SEC16A: variants seen among roughly 807,000 people sequenced by gnomAD.
The protein encoded by SEC16A is protein transport protein Sec16A.
Under a neutral mutation model 221.9 loss-of-function variants are expected in SEC16A, and 110 were observed. That is an observed-to-expected ratio of 0.50 (90% CI 0.42 to 0.58). SEC16A has a LOEUF of 0.58. Ranked by LOEUF, SEC16A falls within the 20% of genes least tolerant of loss-of-function variation. SEC16A has a pLI of 0.00. For synonymous variants in SEC16A, 1,393 were observed against 1,257.7 expected, an observed-to-expected ratio of 1.11 and a Z score of -2.28; for missense variants, 3,165 against 3,097.8, an observed-to-expected ratio of 1.02 and a Z score of -0.52.
rs778873081 is a variant in SEC16A at position 136,476,258 on chromosome 9, C to G, written c.1358G>C (p.Gly453Ala). ...TASTGVPDAS[G>A]SQYENVENLE... is the part of the protein sequence containing the mutation. The stretch of plus-strand genomic sequence containing the variant: ...GTTCTCAACATTCTCATACTGCGAG[C>G]CGCTGGCATCCGGCACCCCTGTGCT... The change falls in exon 3 of 32, where the codon GGC (glycine) becomes GCC (alanine). Residue 453 changes from glycine to alanine, a missense_variant. Transcript: ENST00000684901. 1 of 1,613,410 alleles carries G rather than the reference C, an allele frequency of 6.2e-7. No individual in the cohort carries two copies. The highest frequency in any genetic ancestry group is 8.5e-7 in the Non-Finnish European group (1 of 1,179,886).
At chr9:136,468,332 C>T in intron 5 of SEC16A, 83 bp downstream of exon 5, 2 of 784,508 alleles carry the variant, frequency 2.5e-6, no homozygotes, top group African/African-American at 1.8e-5. Flanking sequence ...CCAGCAGGTG[C>T]TGGCTGGCCA....
intron 1 of SEC16A, among the ~76,000 whole-genome samples, chr9:136,481,931 G>A (rs1006447154): frequency 5.3e-5 from 8 of 152,076 alleles, no homozygotes; most frequent in Admixed American, 1.3e-4. Context: ...TACAGAAGAA[G>A]AAATCACATT....
In SEC16A at chr9:136,466,136, T is replaced by G. The variant is rs1840118805; in HGVS notation, c.4129A>C (p.Ser1377Arg). The G allele has an allele frequency of 2.5e-6, 4 of 1,588,854 alleles. No homozygotes were observed. Among genetic ancestry groups the G allele is most frequent in the Non-Finnish European group, 3.4e-6 (4 of 1,165,884 alleles). The change falls in exon 8 of 32, where the codon AGT becomes CGT. Residue 1377 changes from serine to arginine, a missense_variant and splice_region_variant. By Grantham distance (110) the Ser-to-Arg change is moderately radical. This residue lies in a region of SEC16A where 2,030 missense variants were observed against 1,923.1 expected (regional missense o/e 1.06). Coordinates refer to ENST00000684901, the MANE Select transcript of SEC16A (RefSeq NM_014866.2). The surrounding 1 kb of genome is among the most constrained non-coding windows in gnomAD (Gnocchi z 5.5). ...RSSLSSHSHQ[S>R]QIYRSHNVAA... ...ACATTGTGGCTTCTGTAAATCTGACTCTTAGAAAACAAAGCAAACGGGCAA... is the reference window on the plus strand; with the variant it reads ...ACATTGTGGCTTCTGTAAATCTGACGCTTAGAAAACAAAGCAAACGGGCAA...
At chr9:136,451,221 C>T (rs572000023) in intron 23 of SEC16A, 35 bp downstream of exon 23, 41 of 1,594,330 alleles carry the variant, frequency 2.6e-5, no homozygotes, top group South Asian at 7.9e-5. Context: ...CAAACCCTCC[C>T]GGCCGCCAGG....
chr9:136,447,150 G>C lies in SEC16A; in HGVS notation c.6697+77C>G. ...GTCATTCTTTTAACGGGAGATTTAG[G>C]AGAGACTCATAGAAAGAGGATCAAA... On this transcript the variant is annotated intron_variant, in intron 27 of 31. Coordinates refer to ENST00000684901, the MANE Select transcript of SEC16A (RefSeq NM_014866.2). This position sits in a 1 kb window ranked among gnomAD's most constrained non-coding sequence, Gnocchi z 5.5. 1.3e-6 allele frequency: 2 copies of C among 1,538,078 alleles called. No homozygotes were observed. Among genetic ancestry groups the C allele is most frequent in the South Asian group, 2.4e-5 (2 of 83,190 alleles).
chr9:136,444,879 CAAAAAAA>C (rs757568383), intron 30 of SEC16A, among the ~76,000 whole-genome samples, 166 bp downstream of exon 30: 6 of 65,648 alleles, frequency 9.1e-5, no homozygotes, highest in Admixed American at 3.0e-4. Flanking sequence ...AACTCCGTCT[CAAAAAAA>C]AAAAAAAAAA....
rs1841602555 is a variant in SEC16A at position 136,476,196 on chromosome 9, C to T, written c.1420G>A (p.Glu474Lys). Reference sequence around the variant, plus strand: ...GAGGAAGGGTCCAAATTGAGGGGCTCACTTGGCAGAACTTCTTGATTCTGA... The same window carrying T: ...GAGGAAGGGTCCAAATTGAGGGGCTTACTTGGCAGAACTTCTTGATTCTGA... Reference protein sequence around the residue: ...FVQNQEVLPSEPLNLDPSSPS... With the variant: ...FVQNQEVLPSKPLNLDPSSPS... The change falls in exon 3 of 32, where the codon GAG becomes AAG. Residue 474 changes from glutamate (E) to lysine (K), a missense_variant. This residue lies in a region of SEC16A where 2,030 missense variants were observed against 1,923.1 expected (regional missense o/e 1.06). Coordinates refer to ENST00000684901, the MANE Select transcript of SEC16A (RefSeq NM_014866.2). 6.2e-7 allele frequency: 1 copy of T among 1,613,726 alleles called. No individual in the cohort carries two copies.
chr9:136,477,738 C>T, intron 2 of SEC16A, 54 bp from the exon 3 acceptor site: 1 of 1,411,428 alleles, frequency 7.1e-7, no homozygotes, highest in Non-Finnish European at 9.3e-7. Context: ...AAAGTCCTAG[C>T]TGCAATCAGG....
At chr9:136,479,623 A>C (rs1363361329) in intron 1 of SEC16A, among the ~76,000 whole-genome samples, 1 of 152,166 alleles carries the variant, frequency 6.6e-6, no homozygotes, top group Non-Finnish European at 1.5e-5. Context: ...AAGTGCTGGG[A>C]TTACAGGCGT....
chr9:136,477,315 C>T lies in SEC16A; in HGVS notation c.301G>A (p.Asp101Asn), dbSNP rs1040739370. 6.2e-7 allele frequency: 1 copy of T among 1,613,792 alleles called. No homozygotes were observed. The highest frequency in any genetic ancestry group is 8.5e-7 in the Non-Finnish European group (1 of 1,179,762). Residue 101 changes from aspartate (D) to asparagine (N), a missense_variant, in exon 3 of 32, where the codon GAT (aspartate) becomes AAT (asparagine). By Grantham distance (23) the Asp-to-Asn change is conservative. Coordinates refer to ENST00000684901, the MANE Select transcript of SEC16A (RefSeq NM_014866.2). Reference sequence around the variant, plus strand: ...GGCTCACAGGGTCCCTGAGAGCTATCTCTGGCATGTGTGTGAGGAACAAGC... The same window carrying T: ...GGCTCACAGGGTCCCTGAGAGCTATTTCTGGCATGTGTGTGAGGAACAAGC... ...GLLVPHTHARDSSQGPCEPLP... is the reference protein window; with the variant it reads ...GLLVPHTHARNSSQGPCEPLP...
intron 18 of SEC16A, 101 bp downstream of exon 18, chr9:136,457,343 G>C (rs1838818290): frequency 1.7e-5 from 22 of 1,330,752 alleles, no homozygotes; most frequent in Non-Finnish European, 2.1e-5. Context: ...CTACCACAAT[G>C]CGCGTCTGAA....
rs992569152 is a variant in SEC16A at position 136,466,690 on chromosome 9, C to T, written c.3930-228G>A. On this transcript the variant is annotated intron_variant, in intron 6 of 31. Coordinates refer to ENST00000684901, the MANE Select transcript of SEC16A (RefSeq NM_014866.2). The surrounding 1 kb of genome is among the most constrained non-coding windows in gnomAD (Gnocchi z 5.5). ...GCAGGGCGCGACCGGTAAGAAGGGACGATGAGAAAGAGTGAGCCCAATCTC... is the reference window on the plus strand; with the variant it reads ...GCAGGGCGCGACCGGTAAGAAGGGATGATGAGAAAGAGTGAGCCCAATCTC... 2.6e-5 allele frequency among the ~76,000 whole-genome samples: 4 copies of T among 152,174 alleles called. No individual in the cohort carries two copies. The highest frequency in any genetic ancestry group is 5.9e-5 in the Non-Finnish European group (4 of 68,038).
At chr9:136,480,397 G>A (rs926181144) in intron 1 of SEC16A, among the ~76,000 whole-genome samples, 4 of 152,196 alleles carry the variant, frequency 2.6e-5, no homozygotes, top group Admixed American at 2.6e-4. Context: ...CGGGCCTAGA[G>A]GTTTATTCCT....
Position 136,441,669 on chromosome 9 carries a change from G to T in SEC16A, c.*86C>A. ...GTCACTGCTGTGTCTCCCTGGGGGCGGGACGGAGATCGCGGAGGTCGGTCG... is the reference window on the plus strand; with the variant it reads ...GTCACTGCTGTGTCTCCCTGGGGGCTGGACGGAGATCGCGGAGGTCGGTCG... On this transcript the variant is annotated 3_prime_UTR_variant, in exon 32 of 32. Transcript: ENST00000684901. 1.7e-6 allele frequency: 2 copies of T among 1,186,622 alleles called. No homozygotes were observed. The highest frequency in any genetic ancestry group is 2.5e-6 in the Non-Finnish European group (2 of 800,796). The allele number at this position is 1,186,622 out of a possible 1,614,324, so 73.5% of individuals were successfully genotyped here.
intron 4 of SEC16A, 74 bp downstream of exon 4, chr9:136,471,901 T>A (rs765609694): frequency 6.5e-7 from 1 of 1,548,504 alleles, no homozygotes; most frequent in Admixed American, 1.7e-5. Flanking sequence ...AGTCACTAAG[T>A]TATCCCCATA....
At chr9:136,467,509 TTC>T (rs1284755901) in intron 5 of SEC16A, among the ~76,000 whole-genome samples, 1 of 152,258 alleles carries the variant, frequency 6.6e-6, no homozygotes, top group East Asian at 1.9e-4. Flanking sequence ...GCCCAGCCAG[TTC>T]TCTTTCACGG....
chr9:136,455,283 C>G (rs935647939), intron 20 of SEC16A, among the ~76,000 whole-genome samples: 1 of 152,132 alleles, frequency 6.6e-6, no homozygotes, highest in South Asian at 2.1e-4. Context: ...CGCCCAGACA[C>G]GGTGCGGCTG....
At position 136,466,564 on chromosome 9, in the gene SEC16A, G is replaced by T; in HGVS notation, c.3930-102C>A. On this transcript the variant is annotated intron_variant, in intron 6 of 31. Coordinates refer to ENST00000684901, the MANE Select transcript of SEC16A (RefSeq NM_014866.2). The surrounding 1 kb of genome is among the most constrained non-coding windows in gnomAD (Gnocchi z 5.5). The stretch of plus-strand genomic sequence containing the variant: ...AGGAGCTGAGACCGAGACCCCTGGG[G>T]CCGAGGCACAACACAGCACACCCGA... 2 of 1,139,898 alleles carry T rather than the reference G, an allele frequency of 1.8e-6. No homozygotes were observed. The highest frequency in any genetic ancestry group is 1.2e-6 in the Non-Finnish European group (1 of 816,530). The allele number at this position is 1,139,898 out of a possible 1,614,324, so 70.6% of individuals were successfully genotyped here. A position where few individuals can be genotyped will look rare whatever the true frequency, so the allele number is the denominator to read the frequency against.
intron 4 of SEC16A, among the ~76,000 whole-genome samples, chr9:136,470,315 G>A (rs867977836): frequency 1.3e-5 from 2 of 152,234 alleles, no homozygotes; most frequent in Non-Finnish European, 2.9e-5. Context: ...GGCCTTCTCC[G>A]TAGCACGAGC....
Sources: gnomAD v4.1 joint callset for allele counts (sites outside exome capture counted in the v4.1 genomes callset) on GRCh38, gnomAD v4.1.1 for gene constraint, gnomAD v4.1.1 regional missense constraint, Gnocchi (gnomAD v3.1) non-coding constraint, MANE v1.5 for transcripts, NCBI Gene and HGNC (gene_info 2026-07-23, HGNC 2026-07-21) for gene names.